The following FBXL7 variants were observed in gnomAD, a reference collection of about 807,000 sequenced individuals.
FBXL7 encodes F-box/LRR-repeat protein 7.
A neutral mutation model predicts 38.3 loss-of-function variants in FBXL7; 12 were observed. That is an observed-to-expected ratio of 0.31 (90% CI 0.20 to 0.51). The LOEUF (loss-of-function observed/expected upper bound fraction) is 0.51. Among genes scored for constraint, FBXL7 ranks in the 20% least tolerant of loss-of-function variants. FBXL7 has a pLI of 0.98. For synonymous variants in FBXL7, 297 were observed against 300.9 expected (o/e 0.99, Z 0.13); for missense variants, 567 against 676.4 (o/e 0.84, Z 1.79).
chr5:15,510,713 A>T (rs1363102701), intron 1 of FBXL7, among the ~76,000 whole-genome samples: 1 of 152,228 alleles, frequency 6.6e-6, no homozygotes, highest in Non-Finnish European at 1.5e-5. Context: ...GACAAAAATG[A>T]TTATTAATAG....
chr5:15,626,063 GT>G (rs1328124457), intron 2 of FBXL7, among the ~76,000 whole-genome samples: 1 of 152,070 alleles, frequency 6.6e-6, no homozygotes, highest in Admixed American at 6.6e-5. Context: ...TATTATAAAG[GT>G]TTGTTTTCGT....
intron 1 of FBXL7, among the ~76,000 whole-genome samples, chr5:15,600,185 G>A (rs1297316680): frequency 1.3e-5 from 2 of 152,214 alleles, no homozygotes; most frequent in Admixed American, 6.5e-5. Flanking sequence ...CCTTCACTGC[G>A]TATCCTCTGT....
chr5:15,920,878 C>G (rs13159069), intron 2 of FBXL7, among the ~76,000 whole-genome samples: 3,042 of 152,120 alleles, frequency 0.02, 35 homozygotes, highest in Non-Finnish European at 0.029. Context: ...CATTGGGAGA[C>G]AGTTAAATCA....
At chr5:15,839,090 CTTT>C (rs750320882) in intron 2 of FBXL7, among the ~76,000 whole-genome samples, 1 of 144,468 alleles carries the variant, frequency 6.9e-6, no homozygotes, top group Non-Finnish European at 1.5e-5. Context: ...GTTGGGTCAT[CTTT>C]TTTTTTTTTC....
intron 1 of FBXL7, among the ~76,000 whole-genome samples, chr5:15,614,384 C>T (rs1415349495): frequency 2.0e-5 from 3 of 151,852 alleles, no homozygotes; most frequent in Non-Finnish European, 4.4e-5. Context: ...ATTCTTCTGC[C>T]GCAGACTCCC....
chr5:15,793,845 G>A (rs925078328), intron 2 of FBXL7, among the ~76,000 whole-genome samples: 1 of 152,194 alleles, frequency 6.6e-6, no homozygotes, highest in African/African-American at 2.4e-5. Context: ...AGTTTCTGCA[G>A]TGTGTTGTCT....
intron 1 of FBXL7, among the ~76,000 whole-genome samples, chr5:15,514,404 T>C (rs1736878295): frequency 6.6e-6 from 1 of 152,202 alleles, no homozygotes; most frequent in African/African-American, 2.4e-5. Context: ...CCATTAGGAA[T>C]ACCTGTAAGC....
chr5:15,767,076 T>C (rs982477475), intron 2 of FBXL7, among the ~76,000 whole-genome samples: 1 of 152,196 alleles, frequency 6.6e-6, no homozygotes, highest in Non-Finnish European at 1.5e-5. Context: ...ACATGTGCCA[T>C]GGTGATTTGC....
chr5:15,612,482 CAT>C (rs1200226530), intron 1 of FBXL7, among the ~76,000 whole-genome samples: 12 of 152,240 alleles, frequency 7.9e-5, no homozygotes, highest in South Asian at 2.1e-4. Context: ...GATCAGCACA[CAT>C]GTCCTCACGT....
At chr5:15,885,316 A>C (rs1210885600) in intron 2 of FBXL7, among the ~76,000 whole-genome samples, 1 of 152,234 alleles carries the variant, frequency 6.6e-6, no homozygotes, top group Non-Finnish European at 1.5e-5. Flanking sequence ...TGAGAGGGCG[A>C]GAGAGAGGAT....
chr5:15,511,713 T>C (rs2126357273), intron 1 of FBXL7, among the ~76,000 whole-genome samples: 1 of 152,338 alleles, frequency 6.6e-6, no homozygotes, highest in South Asian at 2.1e-4. Flanking sequence ...CAGGGGCATC[T>C]ATCATTATCA....
intron 2 of FBXL7, among the ~76,000 whole-genome samples, chr5:15,644,304 CAAAAAAAAAAAAA>C (rs369213583): frequency 0.26 from 25,013 of 95,482 alleles, 2,427 homozygotes; most frequent in Middle Eastern, 0.31. Flanking sequence ...ACTAAAAATC[CAAAAAAAAAAAAA>C]AAAAAAAAAA....
At chr5:15,828,630 G>C (rs976808881) in intron 2 of FBXL7, among the ~76,000 whole-genome samples, 9 of 152,300 alleles carry the variant, frequency 5.9e-5, no homozygotes, top group East Asian at 1.9e-4. Flanking sequence ...AAGGTGAAAG[G>C]CACCTGAAAA....
At chr5:15,932,533 C>T (rs1226865613) in intron 3 of FBXL7, among the ~76,000 whole-genome samples, 1 of 152,124 alleles carries the variant, frequency 6.6e-6, no homozygotes, top group Non-Finnish European at 1.5e-5. Flanking sequence ...TATTTATATA[C>T]CTTACCCTAG....
chr5:15,571,105 A>G (rs1021255531), intron 1 of FBXL7, among the ~76,000 whole-genome samples: 6 of 150,650 alleles, frequency 4.0e-5, no homozygotes, highest in Non-Finnish European at 7.4e-5. Flanking sequence ...AAAAAAAAAA[A>G]AAAAAGAAAA....
At chr5:15,708,982 T>C (rs1214660730) in intron 2 of FBXL7, among the ~76,000 whole-genome samples, 1 of 152,208 alleles carries the variant, frequency 6.6e-6, no homozygotes, top group Non-Finnish European at 1.5e-5. Context: ...GGTCTTTGAC[T>C]TAAATGAGGA....
At chr5:15,822,372 C>G (rs1024669182) in intron 2 of FBXL7, among the ~76,000 whole-genome samples, 2 of 151,712 alleles carry the variant, frequency 1.3e-5, no homozygotes, top group African/African-American at 4.8e-5. Context: ...AAAAACAAAA[C>G]AAAACATAAA....
chr5:15,846,880 A>C (rs1738920045), intron 2 of FBXL7, among the ~76,000 whole-genome samples: 1 of 152,244 alleles, frequency 6.6e-6, no homozygotes, highest in Non-Finnish European at 1.5e-5. Context: ...ATTTGTGAAC[A>C]CATGAAATTA....
chr5:15,716,770 ATTGT>A (rs1421894060), intron 2 of FBXL7, among the ~76,000 whole-genome samples: 2 of 152,124 alleles, frequency 1.3e-5, no homozygotes, highest in African/African-American at 4.8e-5. Context: ...TGGCTTATTG[ATTGT>A]TGATTTCATT....
Sources: allele counts gnomAD v4.1 joint callset (sites outside exome capture counted in the v4.1 genomes callset), GRCh38; gene constraint gnomAD v4.1.1; transcripts MANE v1.5; gene names NCBI Gene and HGNC (gene_info 2026-07-23, HGNC 2026-07-21).